Variants in TBC1D25 observed in about 807,000 individuals in gnomAD.
The protein encoded by TBC1D25 is TBC1 domain family member 25.
In TBC1D25, 13 loss-of-function variants were observed where a neutral mutation model predicts 38.8. The observed-to-expected ratio is 0.34, with a 90% CI of 0.22 to 0.53. The LOEUF is 0.53. Ranked by LOEUF, TBC1D25 falls within the 20% of genes least tolerant of loss-of-function variation. The probability of loss-of-function intolerance (pLI) is 0.94; values close to 1 mark genes in which losing one functional copy is unlikely to be tolerated. For synonymous variants in TBC1D25, 225 were observed against 255.6 expected (o/e 0.88, Z 1.14); for missense variants, 372 against 600.0 (o/e 0.62, Z 3.97).
chrX:48,554,266 C>A (rs917706435), intron 3 of TBC1D25, among the ~76,000 whole-genome samples: 1 of 103,939 alleles, frequency 9.6e-6, no homozygotes, highest in Non-Finnish European at 2.0e-5. Context: ...TTGGGCATTT[C>A]GGGCTGGGCG....
At chrX:48,554,821 G>GT (rs1267695892) in intron 3 of TBC1D25, among the ~76,000 whole-genome samples, 1 of 111,942 alleles carries the variant, frequency 8.9e-6, no homozygotes, top group African/African-American at 3.2e-5. Context: ...ATGCCTTGCA[G>GT]TGGTTCTTCT....
Position 48,560,582 on chromosome X carries a change from T to TC in TBC1D25, c.1674_1675insC (p.Ser559LeufsTer18). ...TGCTCTCCTCCTTTTCCCACCCTGA[T>TC]TCCCCATCTTCCTCATCTCCACCAT... On this transcript the variant is annotated frameshift_variant, in exon 6 of 6. Coordinates refer to ENST00000376771, the MANE Select transcript of TBC1D25 (RefSeq NM_002536.4). LOFTEE classifies it high-confidence loss of function. 8.3e-7 allele frequency: 1 copy of TC among 1,207,493 alleles called. No homozygotes were observed. Among genetic ancestry groups the TC allele is most frequent in the East Asian group, 3.0e-5 (1 of 33,784 alleles).
chrX:48,556,746 C>CA (rs57538682), intron 3 of TBC1D25, among the ~76,000 whole-genome samples: 155 of 42,294 alleles, frequency 3.7e-3, no homozygotes, highest in Admixed American at 9.5e-3. Flanking sequence ...GACTCCGTCT[C>CA]AAAAAAAAAA....
chrX:48,543,752 T>C (rs2061859924), intron 2 of TBC1D25, among the ~76,000 whole-genome samples: 1 of 106,954 alleles, frequency 9.3e-6, no homozygotes, highest in Non-Finnish European at 1.9e-5. Context: ...GGCGTGGTGG[T>C]GGGCGCCTGT....
In TBC1D25 at chrX:48,561,165, A is replaced by AT; in HGVS notation, c.*192dup. The AT allele has an allele frequency of 2.2e-6, 1 of 446,978 alleles. No individual in the cohort carries two copies. Among genetic ancestry groups the AT allele is most frequent in the Admixed American group, 4.4e-5 (1 of 22,493 alleles). The allele number at this position is 446,978 out of a possible 1,213,427, so 36.8% of individuals were successfully genotyped here. On this transcript the variant is annotated 3_prime_UTR_variant, in exon 6 of 6. Transcript: ENST00000376771. ...TGCCCCGCAGAGGCCACGCCTATTT[A>AT]TTCTGTTTCTGTTGTTTTGTTTTTA...
intron 3 of TBC1D25, among the ~76,000 whole-genome samples, chrX:48,552,912 C>T (rs2061946489): frequency 9.1e-6 from 1 of 109,636 alleles, no homozygotes; most frequent in Admixed American, 9.9e-5. Flanking sequence ...GCCTCAGCCT[C>T]TTGAGTAGCT....
chrX:48,550,659 A>G (rs1249960218), intron 3 of TBC1D25, among the ~76,000 whole-genome samples: 1 of 85,542 alleles, frequency 1.2e-5, no homozygotes, highest in Non-Finnish European at 2.3e-5. Context: ...TCTTTGTCTT[A>G]ACTTTTTTTT....
At chrX:48,556,746 C>CAA (rs57538682) in intron 3 of TBC1D25, among the ~76,000 whole-genome samples, 26 of 42,306 alleles carry the variant, frequency 6.1e-4, no homozygotes, top group Non-Finnish European at 7.4e-4. Context: ...GACTCCGTCT[C>CAA]AAAAAAAAAA....
intron 3 of TBC1D25, among the ~76,000 whole-genome samples, chrX:48,551,718 G>C (rs930302615): frequency 1.4e-4 from 15 of 109,256 alleles, no homozygotes; most frequent in Non-Finnish European, 2.5e-4. Context: ...CTGCCTCCCA[G>C]GTTCAAGCGA....
chrX:48,552,153 G>T (rs1556983451), intron 3 of TBC1D25, among the ~76,000 whole-genome samples: 2 of 110,957 alleles, frequency 1.8e-5, no homozygotes, highest in African/African-American at 6.6e-5. Context: ...CGTCATAGCA[G>T]AATTTATGCT....
chrX:48,552,221 C>G (rs1475601217), intron 3 of TBC1D25, among the ~76,000 whole-genome samples: 1 of 110,662 alleles, frequency 9.0e-6, no homozygotes, highest in East Asian at 2.9e-4. Context: ...TAGTCTCGCT[C>G]TGTCGCCCAG....
intron 3 of TBC1D25, among the ~76,000 whole-genome samples, chrX:48,547,566 A>T (rs1396905810): frequency 8.9e-6 from 1 of 112,321 alleles, no homozygotes; most frequent in Non-Finnish European, 1.9e-5. Flanking sequence ...GTGCATGAGA[A>T]CTGGGACGAA....
Position 48,560,795 on chromosome X carries a change from C to T in TBC1D25, c.1887C>T (p.His629=). Residue 629 remains histidine (H), a synonymous_variant, in exon 6 of 6, where the codon CAC becomes CAT. Coordinates refer to ENST00000376771, the MANE Select transcript of TBC1D25 (RefSeq NM_002536.4). ...TCTGCCTGGCCATCCTGCTGGAGCA[C>T]CGCGACCACATCATGCGCAATGGGC... is the stretch of plus-strand genomic sequence containing the variant. ...LFLCLAILLE[H]RDHIMRNGLD... 2.5e-6 allele frequency: 3 copies of T among 1,212,109 alleles called. No individual in the cohort carries two copies. The highest frequency in any genetic ancestry group is 2.3e-4 in the Middle Eastern group (1 of 4,356).
intron 3 of TBC1D25, among the ~76,000 whole-genome samples, chrX:48,550,661 C>T (rs1484332620): frequency 1.6e-4 from 12 of 74,044 alleles, no homozygotes; most frequent in Non-Finnish European, 2.1e-4. Context: ...TTTGTCTTAA[C>T]TTTTTTTTTT....
chrX:48,558,641 T>C (rs2061995609), intron 3 of TBC1D25, among the ~76,000 whole-genome samples: 1 of 112,720 alleles, frequency 8.9e-6, no homozygotes, highest in Non-Finnish European at 1.9e-5. Flanking sequence ...GCTTGGCACA[T>C]AGTAACTGCT....
At position 48,559,844 on chromosome X, in the gene TBC1D25, G is replaced by T; in HGVS notation, c.936G>T (p.Arg312=). 1 of 1,211,625 alleles carries T rather than the reference G, an allele frequency of 8.3e-7. No individual in the cohort carries two copies. The highest frequency in any genetic ancestry group is 1.1e-6 in the Non-Finnish European group (1 of 895,498). Residue 312 remains arginine (R), a synonymous_variant, in exon 6 of 6, where the codon CGG becomes CGT. Transcript: ENST00000376771. The part of the protein sequence containing the change: ...YAGPEDGPHL[R]ALHDLLTTYA... ...GGCCTGAGGATGGCCCACATCTACGGGCGCTGCACGACCTGCTCACCACCT... is the reference window on the plus strand; with the variant it reads ...GGCCTGAGGATGGCCCACATCTACGTGCGCTGCACGACCTGCTCACCACCT...
chrX:48,551,677 G>A (rs782534550), intron 3 of TBC1D25, among the ~76,000 whole-genome samples: 1 of 105,954 alleles, frequency 9.4e-6, no homozygotes, highest in South Asian at 4.2e-4. Flanking sequence ...AGGCTGGAGT[G>A]CAGTGGCGCG....
chrX:48,539,820 C>T lies in TBC1D25; in HGVS notation c.23C>T (p.Ser8Leu), dbSNP rs1602096930. Residue 8 changes from serine (S) to leucine (L), a missense_variant, in exon 1 of 6, where the codon TCG becomes TTG. Coordinates refer to ENST00000376771, the MANE Select transcript of TBC1D25 (RefSeq NM_002536.4). ...GGGATGGCAACAGCCTCCGGGGCCT[C>T]GGACTTGTCTGGCTCCGGAGCGCCC... is the stretch of plus-strand genomic sequence containing the variant. Reference protein sequence around the residue: MATASGASDLSGSGAPPP... With the variant: MATASGALDLSGSGAPPP... 3.1e-6 allele frequency: 3 copies of T among 966,090 alleles called. No homozygotes were observed. Among genetic ancestry groups the T allele is most frequent in the East Asian group, 4.1e-5 (1 of 24,117 alleles). The allele number at this position is 966,090 out of a possible 1,213,427, so 79.6% of individuals were successfully genotyped here.
chrX:48,555,575 G>A (rs1436757302), intron 3 of TBC1D25, among the ~76,000 whole-genome samples: 1 of 111,598 alleles, frequency 9.0e-6, no homozygotes, highest in Non-Finnish European at 1.9e-5. Context: ...AGGTGGAGAC[G>A]AGAGATTGAG....
Sources: allele counts gnomAD v4.1 joint callset (sites outside exome capture counted in the v4.1 genomes callset), GRCh38; gene constraint gnomAD v4.1.1; transcripts MANE v1.5; gene names NCBI Gene and HGNC (gene_info 2026-07-23, HGNC 2026-07-21).